Variants in GALNT9 observed in about 807,000 individuals in gnomAD.
GALNT9 encodes polypeptide N-acetylgalactosaminyltransferase 9.
In GALNT9, 47 loss-of-function variants were observed where a neutral mutation model predicts 63.1. That is an observed-to-expected ratio of 0.75 (90% confidence interval 0.59 to 0.95). GALNT9 has a LOEUF of 0.95. GALNT9 is among the 40% of genes least tolerant of loss of function. The pLI, the probability that GALNT9 is intolerant of heterozygous loss-of-function variation, is 0.00. For synonymous variants in GALNT9, 396 were observed against 365.7 expected, an observed-to-expected ratio of 1.08 and a Z score of -0.94; for missense variants, 829 against 874.8, an observed-to-expected ratio of 0.95 and a Z score of 0.66.
At chr12:132,294,029 G>A (rs921704136) in intron 1 of GALNT9, among the ~76,000 whole-genome samples, 2 of 152,268 alleles carry the variant, frequency 1.3e-5, no homozygotes, top group African/African-American at 4.8e-5. Flanking sequence ...AGCATTTGGG[G>A]ATTACAGATG....
chr12:132,254,298 C>A (rs1566000894), intron 5 of GALNT9, among the ~76,000 whole-genome samples: 1 of 152,228 alleles, frequency 6.6e-6, no homozygotes, highest in South Asian at 2.1e-4. Context: ...GCGTAAGCCA[C>A]TGCACCCGGC....
chr12:132,306,353 C>T (rs1881613333), intron 1 of GALNT9, among the ~76,000 whole-genome samples: 1 of 152,194 alleles, frequency 6.6e-6, no homozygotes, highest in Non-Finnish European at 1.5e-5. Flanking sequence ...TCCGGGATGG[C>T]GAGGAGTCAG....
chr12:132,240,938 C>A (rs1231520221), intron 6 of GALNT9, among the ~76,000 whole-genome samples: 49 of 125,784 alleles, frequency 3.9e-4, no homozygotes, highest in Admixed American at 7.0e-4. Flanking sequence ...TACACACACG[C>A]CACACCCCCT....
At chr12:132,244,024 C>T (rs2136906137) in intron 6 of GALNT9, among the ~76,000 whole-genome samples, 2,609 of 151,468 alleles carry the variant, frequency 0.017, 76 homozygotes, top group African/African-American at 0.059. Flanking sequence ...TAGGGACAGA[C>T]GGGGGCAGTG....
intron 6 of GALNT9, among the ~76,000 whole-genome samples, chr12:132,214,170 C>G (rs1877088101): frequency 6.6e-6 from 1 of 152,196 alleles, no homozygotes; most frequent in African/African-American, 2.4e-5. Flanking sequence ...TGTGTGAGGT[C>G]CCTGATGGTG....
Position 132,282,430 on chromosome 12 carries a change from C to T in GALNT9, c.419+3820G>A, listed in dbSNP as rs185670404. ...GTGTGTGCGTGTGTGTGCGTGTGTGCGTGCATGCGTGTGTGTGCGTGTGCA... is the reference window on the plus strand; with the variant it reads ...GTGTGTGCGTGTGTGTGCGTGTGTGTGTGCATGCGTGTGTGTGCGTGTGCA... On this transcript the variant is annotated intron_variant, in intron 2 of 10. Transcript: ENST00000328957. The surrounding 1 kb of genome is among the most constrained non-coding windows in gnomAD (Gnocchi z 4.5). 4.7e-4 allele frequency among the ~76,000 whole-genome samples: 72 copies of T among 151,988 alleles called. No individual in the cohort carries two copies. The highest frequency in any genetic ancestry group is 1.7e-3 in the South Asian group (8 of 4,780).
intron 1 of GALNT9, among the ~76,000 whole-genome samples, chr12:132,297,858 C>T (rs1296886364): frequency 6.6e-6 from 1 of 151,854 alleles, no homozygotes; most frequent in Non-Finnish European, 1.5e-5. Context: ...AAACCAACTC[C>T]CAAGATTACC....
Position 132,197,084 on chromosome 12 carries a change from T to C in GALNT9, c.*23A>G. 6.2e-7 allele frequency: 1 copy of C among 1,612,828 alleles called. No homozygotes were observed. Among genetic ancestry groups the C allele is most frequent in the Admixed American group, 1.7e-5 (1 of 59,948 alleles). ...CGGCCCAGCGCCTTCCCGAGGTCTG[T>C]GGGGGTCCGGGCGGAGGTGGGGTCA... On this transcript the variant is annotated 3_prime_UTR_variant, in exon 11 of 11. Transcript: ENST00000328957.
At chr12:132,267,498 G>A (rs1879647256) in intron 2 of GALNT9, among the ~76,000 whole-genome samples, 1 of 152,186 alleles carries the variant, frequency 6.6e-6, no homozygotes, top group Non-Finnish European at 1.5e-5. Flanking sequence ...AGGGCTTCAC[G>A]GTAGAACCTG....
intron 4 of GALNT9, among the ~76,000 whole-genome samples, chr12:132,258,640 T>G (rs992707591): frequency 2.0e-5 from 3 of 152,172 alleles, no homozygotes; most frequent in Non-Finnish European, 4.4e-5. Flanking sequence ...CTAATGGGCC[T>G]GCAGGGCTGG....
intron 5 of GALNT9, among the ~76,000 whole-genome samples, chr12:132,249,600 G>A (rs1418582233): frequency 1.3e-5 from 2 of 152,200 alleles, no homozygotes; most frequent in Admixed American, 6.5e-5. Flanking sequence ...ATATACAACA[G>A]GTATTTCTCC....
chr12:132,215,045 G>T (rs1241671019), intron 6 of GALNT9, among the ~76,000 whole-genome samples: 1 of 152,264 alleles, frequency 6.6e-6, no homozygotes, highest in Non-Finnish European at 1.5e-5. Context: ...TGACTGGCCT[G>T]TCAGCGTCCT....
chr12:132,244,112 A>G (rs1434721932), intron 6 of GALNT9, among the ~76,000 whole-genome samples: 1 of 149,082 alleles, frequency 6.7e-6, no homozygotes, highest in Non-Finnish European at 1.5e-5. Flanking sequence ...ACCACGGTGC[A>G]GCTTCCAACA....
intron 2 of GALNT9, chr12:132,284,538 G>A (rs947992390): frequency 6.6e-6 from 1 of 152,264 alleles, no homozygotes; most frequent in Admixed American, 6.5e-5. Flanking sequence ...ATGGAAAGCT[G>A]GCATCACTTG....
chr12:132,317,025 G>GAGCA (rs1171050136), intron 1 of GALNT9, among the ~76,000 whole-genome samples: 1 of 150,886 alleles, frequency 6.6e-6, no homozygotes, highest in African/African-American at 2.5e-5. Flanking sequence ...ACACCCCACG[G>GAGCA]AGCATGGTCC....
chr12:132,316,636 C>T lies in GALNT9; in HGVS notation c.238+12330G>A, dbSNP rs1215771512. ...CCAGGGTGTGTCCCTGCTCTCTTTC[C>T]TCCGCTTCAGCAAATTCCCCCGTGC... On this transcript the variant is annotated intron_variant, in intron 1 of 10. Coordinates refer to ENST00000328957, the MANE Select transcript of GALNT9 (RefSeq NM_001122636.2). The surrounding 1 kb of genome is among the most constrained non-coding windows in gnomAD (Gnocchi z 4.3). Among the ~76,000 whole-genome samples, 12 of 152,000 alleles carry T rather than the reference C, an allele frequency of 7.9e-5. No homozygotes were observed. Among genetic ancestry groups the T allele is most frequent in the Non-Finnish European group, 1.6e-4 (11 of 67,986 alleles).
chr12:132,304,450 C>T (rs1380351215), intron 1 of GALNT9, among the ~76,000 whole-genome samples: 1 of 60,238 alleles, frequency 1.7e-5, no homozygotes, highest in Non-Finnish European at 3.2e-5. Flanking sequence ...GGCACACCCT[C>T]GCCCGGGCAC....
chr12:132,240,670 T>A, intron 6 of GALNT9: 1 of 456,000 alleles, frequency 2.2e-6, no homozygotes, highest in Non-Finnish European at 4.4e-6. Context: ...CTGCCGTGTT[T>A]TTCTTCCTCT....
chr12:132,254,411 C>CT (rs1182484339), intron 5 of GALNT9, among the ~76,000 whole-genome samples: 2 of 152,256 alleles, frequency 1.3e-5, no homozygotes, highest in African/African-American at 2.4e-5. Flanking sequence ...CAGCGATGAT[C>CT]AGCATCGTGT....
Sources: allele counts gnomAD v4.1 joint callset (sites outside exome capture counted in the v4.1 genomes callset), GRCh38; gene constraint gnomAD v4.1.1; non-coding constraint Gnocchi (gnomAD v3.1); transcripts MANE v1.5; gene names NCBI Gene and HGNC (gene_info 2026-07-23, HGNC 2026-07-21).